SPOCK1: variants seen among roughly 807,000 people sequenced by gnomAD.
SPOCK1 encodes the protein SPARC (osteonectin), cwcv and kazal like domains proteoglycan 1, also known as testican-1.
In SPOCK1, 23 loss-of-function variants were observed where a neutral mutation model predicts 55.3. The ratio of observed to expected loss-of-function variants is 0.42; its 90% CI spans 0.30 to 0.59. The LOEUF (loss-of-function observed/expected upper bound fraction) is 0.59, where lower values mean the gene tolerates loss of function less well. Ranked by LOEUF, SPOCK1 falls within the 20% of genes least tolerant of loss-of-function variation. The pLI is 0.22. For missense variants in SPOCK1, 499 were observed against 552.5 expected, an observed-to-expected ratio of 0.90 and a Z score of 0.97; for synonymous variants, 226 against 221.0, an observed-to-expected ratio of 1.02 and a Z score of -0.20.
intron 4 of SPOCK1, among the ~76,000 whole-genome samples, chr5:137,129,250 C>T (rs906099942): frequency 6.6e-6 from 1 of 152,116 alleles, no homozygotes; most frequent in South Asian, 2.1e-4. Context: ...TCTTCTTCCC[C>T]GACATAGGGC....
At chr5:137,072,591 T>G (rs1470087864) in intron 5 of SPOCK1, among the ~76,000 whole-genome samples, 1 of 152,242 alleles carries the variant, frequency 6.6e-6, no homozygotes, top group Non-Finnish European at 1.5e-5. Flanking sequence ...TGAGTGAATA[T>G]TTTCCGTAAA....
intron 2 of SPOCK1, among the ~76,000 whole-genome samples, chr5:137,273,704 T>C (rs1173710959): frequency 6.6e-6 from 1 of 152,224 alleles, no homozygotes; most frequent in Non-Finnish European, 1.5e-5. Flanking sequence ...CACTCAGCCA[T>C]GATTACCATC....
intron 2 of SPOCK1, among the ~76,000 whole-genome samples, chr5:137,277,880 G>A: frequency 6.6e-6 from 1 of 152,144 alleles, no homozygotes; most frequent in East Asian, 1.9e-4. Context: ...AGGCCGGCAG[G>A]AGATGCACAG....
intron 3 of SPOCK1, among the ~76,000 whole-genome samples, chr5:137,257,660 G>A (rs1233145943): frequency 2.0e-5 from 3 of 152,178 alleles, no homozygotes; most frequent in Admixed American, 6.5e-5. Flanking sequence ...AGCACTGAGC[G>A]ATAAGCTATC....
chr5:137,362,751 A>C (rs1750978320), intron 2 of SPOCK1, among the ~76,000 whole-genome samples: 2 of 152,242 alleles, frequency 1.3e-5, no homozygotes, highest in African/African-American at 4.8e-5. Flanking sequence ...AAGAATGAGC[A>C]TGGTTGCCTT....
At chr5:137,484,980 A>G (rs552995581) in intron 2 of SPOCK1, among the ~76,000 whole-genome samples, 29 of 152,322 alleles carry the variant, frequency 1.9e-4, no homozygotes, top group Admixed American at 1.8e-3. Flanking sequence ...GATAAACAGC[A>G]ATGATAATAA....
At chr5:137,340,376 C>T (rs1168444588) in intron 2 of SPOCK1, among the ~76,000 whole-genome samples, 2 of 152,182 alleles carry the variant, frequency 1.3e-5, no homozygotes, top group Non-Finnish European at 2.9e-5. Context: ...ATAATTAGTG[C>T]CACACTCTGA....
intron 2 of SPOCK1, among the ~76,000 whole-genome samples, chr5:137,376,624 T>C (rs1031546458): frequency 6.6e-6 from 1 of 152,166 alleles, no homozygotes; most frequent in Non-Finnish European, 1.5e-5. Flanking sequence ...TTCTTTTTCA[T>C]GAAAAACCCC....
At chr5:137,334,499 G>C (rs1750197243) in intron 2 of SPOCK1, among the ~76,000 whole-genome samples, 1 of 152,180 alleles carries the variant, frequency 6.6e-6, no homozygotes, top group Admixed American at 6.5e-5. Context: ...GTGTGGGAGG[G>C]TTTGGTCGCA....
intron 2 of SPOCK1, among the ~76,000 whole-genome samples, chr5:137,341,665 C>T (rs987505522): frequency 6.6e-6 from 1 of 152,080 alleles, no homozygotes; most frequent in African/African-American, 2.4e-5. Context: ...TGTGGTAGAC[C>T]CTCAGGCTAT....
At chr5:137,159,109 G>A (rs1754478046) in intron 3 of SPOCK1, among the ~76,000 whole-genome samples, 1 of 152,164 alleles carries the variant, frequency 6.6e-6, no homozygotes. Context: ...AGCAAACACA[G>A]CTACAAAGAG....
chr5:137,443,545 C>T (rs1753060825), intron 2 of SPOCK1, among the ~76,000 whole-genome samples: 1 of 152,126 alleles, frequency 6.6e-6, no homozygotes, highest in Non-Finnish European at 1.5e-5. Flanking sequence ...CTCCTGGGCC[C>T]CAGACCACTA....
intron 5 of SPOCK1, among the ~76,000 whole-genome samples, chr5:137,106,560 T>C (rs771810225): frequency 2.0e-5 from 3 of 152,076 alleles, no homozygotes; most frequent in Non-Finnish European, 2.9e-5. Context: ...ATTCGAATCA[T>C]TGCTAAGACC....
At chr5:137,485,911 T>A (rs528663013) in intron 2 of SPOCK1, among the ~76,000 whole-genome samples, 1 of 152,220 alleles carries the variant, frequency 6.6e-6, no homozygotes, top group South Asian at 2.1e-4. Context: ...TATCTCCTGA[T>A]CTGGCTGTTT....
At chr5:137,268,188 T>C (rs1354305096) in intron 2 of SPOCK1, among the ~76,000 whole-genome samples, 1 of 152,214 alleles carries the variant, frequency 6.6e-6, no homozygotes, top group East Asian at 1.9e-4. Flanking sequence ...ATATCCTTGT[T>C]GAGTTCACCT....
chr5:137,237,524 T>C lies in SPOCK1; in HGVS notation c.232+29486A>G, dbSNP rs1037057665. On this transcript the variant is annotated intron_variant, in intron 3 of 10. Transcript: ENST00000394945. ...ATGCTTTACTGACGTCTCACAAGAA[T>C]GTTTAATTCTCACAAGTTTCACAGG... Among the ~76,000 whole-genome samples, 2 of 152,238 alleles carry C rather than the reference T, an allele frequency of 1.3e-5. 1 individual carries two copies. Among genetic ancestry groups the C allele is most frequent in the Non-Finnish European group, 2.9e-5 (2 of 68,030 alleles).
At chr5:137,078,462 TA>T (rs1182809671) in intron 5 of SPOCK1, among the ~76,000 whole-genome samples, 1 of 152,100 alleles carries the variant, frequency 6.6e-6, no homozygotes, top group Non-Finnish European at 1.5e-5. Context: ...CACCTGATTC[TA>T]TCATGACTCA....
chr5:137,051,544 C>T (rs1752208757), intron 6 of SPOCK1, among the ~76,000 whole-genome samples: 1 of 152,040 alleles, frequency 6.6e-6, no homozygotes, highest in South Asian at 2.1e-4. Flanking sequence ...GCCAGAAATT[C>T]TAAACAAAAA....
intron 2 of SPOCK1, among the ~76,000 whole-genome samples, chr5:137,341,724 G>C (rs1750428130): frequency 6.6e-6 from 1 of 152,162 alleles, no homozygotes; most frequent in Non-Finnish European, 1.5e-5. Context: ...TGAGAGTAGA[G>C]ACGACACTTC....
Sources: allele counts gnomAD v4.1 joint callset (sites outside exome capture counted in the v4.1 genomes callset), GRCh38; gene constraint gnomAD v4.1.1; transcripts MANE v1.5; gene names NCBI Gene and HGNC (gene_info 2026-07-23, HGNC 2026-07-21).